MAP4K4: variants seen among roughly 807,000 people sequenced by gnomAD.
The protein encoded by MAP4K4 is mitogen-activated protein kinase kinase kinase kinase 4, also known as HPK/GCK-like kinase HGK.
Under a neutral mutation model 189.6 loss-of-function variants are expected in MAP4K4, and 38 were observed. The observed-to-expected ratio is 0.20, with a 90% CI of 0.15 to 0.26. The LOEUF (loss-of-function observed/expected upper bound fraction) is 0.26, where lower values mean the gene tolerates loss of function less well. Ranked by LOEUF, MAP4K4 falls within the 10% of genes least tolerant of loss-of-function variation. The pLI is 1.00. For missense variants in MAP4K4, 1,054 were observed against 1,726.9 expected, an observed-to-expected ratio of 0.61 and a Z score of 6.91; for synonymous variants, 610 against 624.3, an observed-to-expected ratio of 0.98 and a Z score of 0.34.
chr2:101,871,661 C>T, exon 24 of MAP4K4: 1 of 1,536,726 alleles, frequency 6.5e-7, no homozygotes, highest in Non-Finnish European at 8.7e-7. Context: ...CACAGACACC[C>T]CAGGACAAGC....
intron 12 of MAP4K4, among the ~76,000 whole-genome samples, chr2:101,847,331 A>AT (rs1241843520): frequency 1.3e-5 from 2 of 152,204 alleles, no homozygotes; most frequent in Non-Finnish European, 2.9e-5. Context: ...CTCCTTCTAC[A>AT]TATTAAAAAC....
intron 2 of MAP4K4, among the ~76,000 whole-genome samples, chr2:101,739,402 TATC>T (rs10594898): frequency 0.28 from 42,636 of 151,868 alleles, 6,703 homozygotes; most frequent in South Asian, 0.48. Context: ...TTCCCTAAAA[TATC>T]ATTTAATTCT....
At chr2:101,866,457 G>A in exon 19 of MAP4K4, 1 of 1,613,628 alleles carries the variant, frequency 6.2e-7, no homozygotes. Flanking sequence ...CTGTGGGAGA[G>A]AGTGGAGAAG....
At chr2:101,788,556 T>G (rs966871756) in intron 2 of MAP4K4, among the ~76,000 whole-genome samples, 1 of 152,198 alleles carries the variant, frequency 6.6e-6, no homozygotes, top group African/African-American at 2.4e-5. Flanking sequence ...CTTAGATGAT[T>G]TTCTGGTTTA....
At chr2:101,854,417 A>G (rs1024143923) in intron 12 of MAP4K4, among the ~76,000 whole-genome samples, 60 of 152,184 alleles carry the variant, frequency 3.9e-4, no homozygotes, top group Non-Finnish European at 7.3e-5. Flanking sequence ...GAATTCGAAG[A>G]GCAGAGAATG....
At chr2:101,732,434 C>T (rs1287243558) in intron 2 of MAP4K4, among the ~76,000 whole-genome samples, 12 of 152,066 alleles carry the variant, frequency 7.9e-5, no homozygotes, top group Admixed American at 7.2e-4. Flanking sequence ...CTATAAAATT[C>T]GGGGGAGTTT....
chr2:101,783,224 G>T (rs368733994), intron 2 of MAP4K4, among the ~76,000 whole-genome samples: 18 of 152,044 alleles, frequency 1.2e-4, no homozygotes, highest in South Asian at 4.2e-4. Flanking sequence ...GTTGAAGTAG[G>T]CTTGCCTGTC....
intron 27 of MAP4K4, 64 bp downstream of exon 27, chr2:101,877,210 A>G: frequency 3.9e-6 from 6 of 1,537,550 alleles, no homozygotes; most frequent in Middle Eastern, 1.8e-4. Context: ...AGCTTTACAC[A>G]CTAAACTTCA....
At chr2:101,707,937 G>C (rs1388617077) in intron 2 of MAP4K4, among the ~76,000 whole-genome samples, 2 of 151,048 alleles carry the variant, frequency 1.3e-5, no homozygotes, top group African/African-American at 4.9e-5. Flanking sequence ...TCCTGACCTG[G>C]TGATCCGCCC....
At chr2:101,836,094 G>A (rs993953552) in intron 9 of MAP4K4, 116 bp downstream of exon 9, 2 of 692,068 alleles carry the variant, frequency 2.9e-6, no homozygotes, top group African/African-American at 1.8e-5. Flanking sequence ...GAACCCAAGA[G>A]CCAGTTCTCC....
chr2:101,888,160 A>G (rs975684711), intron 31 of MAP4K4, among the ~76,000 whole-genome samples: 2 of 152,204 alleles, frequency 1.3e-5, no homozygotes, highest in East Asian at 3.9e-4. Flanking sequence ...TAAAAACTCT[A>G]TTATCATAAT....
At chr2:101,825,559 C>T in intron 5 of MAP4K4, 130 bp downstream of exon 5, 1 of 507,336 alleles carries the variant, frequency 2.0e-6, no homozygotes, top group Non-Finnish European at 3.5e-6. Flanking sequence ...GCCAAGGGTT[C>T]TGTATATCTA....
At position 101,835,897 on chromosome 2, in the gene MAP4K4, C is replaced by T. The variant is rs779905743; in HGVS notation, c.695-3C>T. ...TACTGACACGACCGTCTCCTCTCCC[C>T]AGCTCTCTGTGACATGCATCCAATG... On this transcript the variant is annotated splice_region_variant and splice_polypyrimidine_tract_variant and intron_variant, in intron 8 of 32. Coordinates refer to ENST00000324219, the Ensembl canonical transcript of MAP4K4. The T allele has an allele frequency of 1.4e-4, 226 of 1,608,738 alleles. 2 individuals carry two copies. Among genetic ancestry groups the T allele is most frequent in the Non-Finnish European group, 2.0e-5 (23 of 1,175,372 alleles).
chr2:101,831,891 G>A lies in MAP4K4; in HGVS notation c.639+40G>A, dbSNP rs773189028. 6 of 1,604,636 alleles carry A rather than the reference G, an allele frequency of 3.7e-6. No homozygotes were observed. In the South Asian group the frequency reaches 5.6e-5, roughly 15 times the overall value. On this transcript the variant is annotated intron_variant, in intron 7 of 32. Transcript: ENST00000324219. ...CTCCGTAGGCCTTTGCAGGGCCACT[G>A]GCATACCCGAGGGATGGGGGCTTTG...
At chr2:101,761,534 G>T (rs992439050) in intron 2 of MAP4K4, among the ~76,000 whole-genome samples, 2 of 151,544 alleles carry the variant, frequency 1.3e-5, no homozygotes, top group Non-Finnish European at 2.9e-5. Context: ...TCAGTTATGG[G>T]GAGTATGGGA....
At chr2:101,862,282 C>T (rs1393316686) in intron 16 of MAP4K4, 1 of 136,924 alleles carries the variant, frequency 7.3e-6, no homozygotes, top group Non-Finnish European at 1.5e-5. Flanking sequence ...ACAGCTAGGA[C>T]TGAGGCCAGG....
chr2:101,803,957 A>T (rs1169921203), intron 3 of MAP4K4, among the ~76,000 whole-genome samples: 1 of 152,146 alleles, frequency 6.6e-6, no homozygotes, highest in Admixed American at 6.5e-5. Context: ...CAGCTAGTTG[A>T]TGGGCTGGGT....
intron 3 of MAP4K4, among the ~76,000 whole-genome samples, chr2:101,802,052 G>A (rs1483006753): frequency 6.6e-6 from 1 of 152,130 alleles, no homozygotes; most frequent in African/African-American, 2.4e-5. Flanking sequence ...TAGTGGGTGT[G>A]GATAGATTGA....
rs180833133 is a variant in MAP4K4 at position 101,796,444 on chromosome 2, G to A, written c.180+5668G>A. ...TGTCGGTGAAGAACTGCAGCTCAGA[G>A]ACGCTAATAACTTCTTGCTCAGGAG... On this transcript the variant is annotated intron_variant, in intron 3 of 32. Transcript: ENST00000324219. 2.0e-5 allele frequency among the ~76,000 whole-genome samples: 3 copies of A among 152,184 alleles called. No homozygotes were observed. In the East Asian group the frequency reaches 5.8e-4, roughly 29 times the overall value.
Sources: gnomAD v4.1 joint callset for allele counts (sites outside exome capture counted in the v4.1 genomes callset) on GRCh38, gnomAD v4.1.1 for gene constraint, MANE v1.5 for transcripts, NCBI Gene and HGNC (gene_info 2026-07-23, HGNC 2026-07-21) for gene names.